Variants in SGK3 observed in about 807,000 individuals in gnomAD.
SGK3 encodes the protein serum/glucocorticoid regulated kinase family member 3.
A neutral mutation model predicts 68.5 loss-of-function variants in SGK3; 47 were observed. The ratio of observed to expected loss-of-function variants is 0.69; its 90% CI spans 0.54 to 0.87. The LOEUF (loss-of-function observed/expected upper bound fraction) is 0.87. SGK3 is among the 40% of genes least tolerant of loss of function. The pLI, the probability that SGK3 is intolerant of heterozygous loss-of-function variation, is 0.00. For missense variants in SGK3, 479 were observed against 575.5 expected (o/e 0.83, Z 1.72); for synonymous variants, 181 against 189.1 (o/e 0.96, Z 0.35).
intron 1 of SGK3, among the ~76,000 whole-genome samples, chr8:66,748,241 A>G (rs536499496): frequency 6.6e-5 from 10 of 152,304 alleles, no homozygotes; most frequent in African/African-American, 2.2e-4. Context: ...CATTCTTAGA[A>G]GATTTAATTT....
intron 14 of SGK3, among the ~76,000 whole-genome samples, chr8:66,844,226 A>T (rs1809917840): frequency 6.6e-6 from 1 of 152,176 alleles, no homozygotes; most frequent in African/African-American, 2.4e-5. Flanking sequence ...ATTTATCAAT[A>T]AATTACTGTA....
chr8:66,745,522 C>T (rs892357851), intron 1 of SGK3, among the ~76,000 whole-genome samples: 58 of 151,954 alleles, frequency 3.8e-4, no homozygotes, highest in Admixed American at 1.1e-3. Context: ...TGTAGTGAGC[C>T]GAGACCACGC....
intron 4 of SGK3, among the ~76,000 whole-genome samples, chr8:66,812,688 A>G (rs1808426926): frequency 3.3e-5 from 5 of 152,228 alleles, no homozygotes; most frequent in Admixed American, 3.3e-4. Flanking sequence ...ACATCTGCCA[A>G]ACATGCTACT....
At chr8:66,746,577 A>G (rs1805661083) in intron 1 of SGK3, among the ~76,000 whole-genome samples, 1 of 151,994 alleles carries the variant, frequency 6.6e-6, no homozygotes, top group Non-Finnish European at 1.5e-5. Context: ...TTTTAAAGGC[A>G]AAATCTCATT....
At chr8:66,843,596 T>C (rs1432451027) in intron 14 of SGK3, 49 bp downstream of exon 14, 1 of 1,566,132 alleles carries the variant, frequency 6.4e-7, no homozygotes, top group African/African-American at 1.4e-5. Flanking sequence ...ATTGATTTGA[T>C]TGTCTGTCTG....
intron 5 of SGK3, 105 bp from the exon 6 acceptor site, chr8:66,822,267 C>T (rs1808871027): frequency 2.1e-6 from 2 of 954,456 alleles, no homozygotes; most frequent in Non-Finnish European, 2.9e-6. Context: ...TACTTTCTTA[C>T]TGTAAATACT....
chr8:66,760,510 A>AT, intron 1 of SGK3, among the ~76,000 whole-genome samples: 1 of 151,286 alleles, frequency 6.6e-6, no homozygotes, highest in Non-Finnish European at 1.5e-5. Context: ...AACTTTTTGT[A>AT]TTTTTAGTAG....
chr8:66,744,508 TATATA>T (rs1805577698), intron 1 of SGK3, among the ~76,000 whole-genome samples: 1 of 31,212 alleles, frequency 3.2e-5, no homozygotes, highest in African/African-American at 1.4e-4. Flanking sequence ...TATATATATA[TATATA>T]TATATATTTT....
intron 7 of SGK3, 48 bp downstream of exon 7, chr8:66,828,751 A>C (rs1416110432): frequency 1.2e-6 from 2 of 1,602,664 alleles, no homozygotes; most frequent in Non-Finnish European, 1.7e-6. Flanking sequence ...TTTTAGGAAG[A>C]TCTTTTTTGA....
chr8:66,810,580 A>T (rs1808345669), intron 4 of SGK3, among the ~76,000 whole-genome samples: 1 of 152,162 alleles, frequency 6.6e-6, no homozygotes, highest in Non-Finnish European at 1.5e-5. Context: ...ATACACCTGT[A>T]ATCCCGGCTA....
intron 10 of SGK3, 21 bp from the exon 11 acceptor site, chr8:66,839,982 C>T: frequency 6.2e-7 from 1 of 1,607,368 alleles, no homozygotes; most frequent in African/African-American, 1.3e-5. Context: ...TCTCCCCCCA[C>T]CCCCACAACC....
intron 1 of SGK3, among the ~76,000 whole-genome samples, chr8:66,725,822 A>G (rs1804970407): frequency 6.6e-6 from 1 of 152,128 alleles, no homozygotes; most frequent in Non-Finnish European, 1.5e-5. Flanking sequence ...TTGCTGGCTT[A>G]TTGGAAGAAC....
At position 66,793,833 on chromosome 8, in the gene SGK3, G is replaced by C. The variant is rs1431279955; in HGVS notation, c.96+1G>C. 1 of 1,610,932 alleles carries C rather than the reference G, an allele frequency of 6.2e-7. No homozygotes were observed. Among genetic ancestry groups the C allele is most frequent in the South Asian group, 1.1e-5 (1 of 90,704 alleles). Reference sequence around the variant, plus strand: ...CAGAGAGAAAAAGAAGAGGTTTACTGTAAGTATTTAACATAAAGCATGTGG... The same window carrying C: ...CAGAGAGAAAAAGAAGAGGTTTACTCTAAGTATTTAACATAAAGCATGTGG... On this transcript the variant is annotated splice_donor_variant, in intron 2 of 16. Coordinates refer to ENST00000521198, the MANE Select transcript of SGK3 (RefSeq NM_001033578.3). LOFTEE classifies it high-confidence loss of function.
intron 14 of SGK3, among the ~76,000 whole-genome samples, 200 bp downstream of exon 14, chr8:66,843,747 A>C (rs769304043): frequency 6.6e-6 from 1 of 152,214 alleles, no homozygotes; most frequent in Non-Finnish European, 1.5e-5. Flanking sequence ...TAATCCCAGC[A>C]CTTTGGGAGG....
At chr8:66,789,055 A>G (rs1807325912) in intron 1 of SGK3, among the ~76,000 whole-genome samples, 1 of 152,060 alleles carries the variant, frequency 6.6e-6, no homozygotes, top group African/African-American at 2.4e-5. Context: ...ACTGATGGTG[A>G]TAGAAAAGAA....
intron 1 of SGK3, among the ~76,000 whole-genome samples, chr8:66,731,610 C>T (rs1482269454): frequency 7.9e-5 from 12 of 152,184 alleles, no homozygotes; most frequent in Admixed American, 7.9e-4. Context: ...TCTCAGCTCA[C>T]TGCAAGCTCT....
chr8:66,817,201 G>A (rs906399173), intron 5 of SGK3, among the ~76,000 whole-genome samples: 2 of 152,034 alleles, frequency 1.3e-5, no homozygotes, highest in African/African-American at 2.4e-5. Flanking sequence ...GGGAGGCCGA[G>A]GCAGGCGGAT....
chr8:66,790,514 T>C (rs372982378), intron 1 of SGK3, among the ~76,000 whole-genome samples: 2 of 152,210 alleles, frequency 1.3e-5, no homozygotes, highest in South Asian at 4.1e-4. Flanking sequence ...CAGTGCCGTA[T>C]GTTAACACAT....
chr8:66,801,188 T>C (rs1450855517), intron 3 of SGK3, among the ~76,000 whole-genome samples: 2 of 152,232 alleles, frequency 1.3e-5, no homozygotes, highest in African/African-American at 4.8e-5. Context: ...ACTTATCAGT[T>C]AACCATCCCA....
Sources: allele counts gnomAD v4.1 joint callset (sites outside exome capture counted in the v4.1 genomes callset), GRCh38; gene constraint gnomAD v4.1.1; transcripts MANE v1.5; gene names NCBI Gene and HGNC (gene_info 2026-07-23, HGNC 2026-07-21).